Variants in CLCN4 observed in about 807,000 individuals in gnomAD.
CLCN4 encodes the protein H(+)/Cl(-) exchange transporter 4.
CLCN4 carries 1 observed loss-of-function variant against 41.7 expected under a neutral mutation model. That is an observed-to-expected ratio of 0.02 (90% CI 0.01 to 0.11). The LOEUF (loss-of-function observed/expected upper bound fraction) is 0.11. Ranked by LOEUF, CLCN4 falls within the 10% of genes least tolerant of loss-of-function variation. CLCN4 has a pLI of 1.00. For missense variants in CLCN4, 287 were observed against 661.0 expected (o/e 0.43, Z 6.20); for synonymous variants, 277 against 285.8 (o/e 0.97, Z 0.31).
chrX:10,206,366 C>G lies in CLCN4; in HGVS notation c.564C>G (p.Thr188=), dbSNP rs369980921. ...TCCATCCTCTGTTTCAGATAAAGACCATTTTGAGCGGCTTTATCATCAGGG... is the reference window on the plus strand; with the variant it reads ...TCCATCCTCTGTTTCAGATAAAGACGATTTTGAGCGGCTTTATCATCAGGG... ...ACGSGIPEIK[T]ILSGFIIRGY... The change falls in exon 7 of 13, where the codon ACC becomes ACG. Residue 188 remains threonine (T), a synonymous_variant. Coordinates refer to ENST00000380833, the MANE Select transcript of CLCN4 (RefSeq NM_001830.4). The G allele has an allele frequency of 3.3e-6, 4 of 1,203,781 alleles. No homozygotes were observed. Among genetic ancestry groups the G allele is most frequent in the Non-Finnish European group, 4.5e-6 (4 of 890,758 alleles).
intron 2 of CLCN4, among the ~76,000 whole-genome samples, chrX:10,184,493 A>G (rs1363540003): frequency 9.0e-6 from 1 of 111,362 alleles, no homozygotes; most frequent in African/African-American, 3.3e-5. Context: ...TTCGTGTTCT[A>G]TTTAGTGCCA....
chrX:10,194,470 G>A (rs147709922), intron 4 of CLCN4, among the ~76,000 whole-genome samples: 6 of 112,066 alleles, frequency 5.4e-5, no homozygotes, highest in Non-Finnish European at 1.1e-4. Context: ...CATTTATGAT[G>A]TGAGGCCGTC....
Position 10,157,005 on chromosome X carries a change from G to T in CLCN4, c.-370G>T, listed in dbSNP as rs185761732. 133 of 296,848 alleles carry T rather than the reference G, an allele frequency of 4.5e-4. No individual in the cohort carries two copies. In the East Asian group the frequency reaches 6.2e-3, roughly 14 times the overall value. 24.5% of individuals were successfully genotyped at this position (296,848 alleles called of 1,213,427 possible). On this transcript the variant is annotated 5_prime_UTR_variant, in exon 1 of 13. An upstream start codon of the reference 5' UTR is lost. Coordinates refer to ENST00000380833, the MANE Select transcript of CLCN4 (RefSeq NM_001830.4). The stretch of plus-strand genomic sequence containing the variant: ...CGACATTTGCCTCTGGCAGGAAAAT[G>T]AGCTTGTCAGTTTCTGCCTCCATTA...
intron 6 of CLCN4, among the ~76,000 whole-genome samples, chrX:10,202,638 C>CAAAAAAAAAAA (rs759089094): frequency 5.1e-5 from 1 of 19,639 alleles, no homozygotes; most frequent in Admixed American, 1.0e-3. Flanking sequence ...GACCCTGCCT[C>CAAAAAAAAAAA]AAAAAAAAAA....
intron 2 of CLCN4, among the ~76,000 whole-genome samples, chrX:10,164,193 A>G (rs750443402): frequency 8.9e-6 from 1 of 112,216 alleles, no homozygotes; most frequent in East Asian, 2.8e-4. Flanking sequence ...AGAGATCCGA[A>G]TGGAGAGAGA....
chrX:10,168,993 G>A (rs1923315142), intron 2 of CLCN4, among the ~76,000 whole-genome samples: 1 of 110,863 alleles, frequency 9.0e-6, no homozygotes, highest in African/African-American at 3.3e-5. Context: ...TATGTAAAGT[G>A]TCTCTTTTCT....
At chrX:10,219,165 C>T (rs978460880) in intron 11 of CLCN4, among the ~76,000 whole-genome samples, 2 of 112,099 alleles carry the variant, frequency 1.8e-5, no homozygotes, top group Non-Finnish European at 3.8e-5. Context: ...AGTGGATCGA[C>T]CATTTATTAA....
At chrX:10,195,826 AT>A (rs1420075447) in intron 5 of CLCN4, among the ~76,000 whole-genome samples, 3 of 112,233 alleles carry the variant, frequency 2.7e-5, no homozygotes, top group South Asian at 7.3e-4. Context: ...CCATTACTTC[AT>A]TTTTTTATGG....
intron 12 of CLCN4, among the ~76,000 whole-genome samples, chrX:10,231,334 A>G (rs1274278333): frequency 8.9e-6 from 1 of 111,790 alleles, no homozygotes; most frequent in Non-Finnish European, 1.9e-5. Context: ...TTTTCTTTAC[A>G]TAACTACCAA....
At chrX:10,191,043 T>G (rs1426173467) in intron 4 of CLCN4, among the ~76,000 whole-genome samples, 1 of 112,409 alleles carries the variant, frequency 8.9e-6, no homozygotes, top group Non-Finnish European at 1.9e-5. Context: ...TAACTCACAT[T>G]CCATATAATT....
chrX:10,200,132 A>G (rs755690642), intron 6 of CLCN4, among the ~76,000 whole-genome samples: 85 of 111,212 alleles, frequency 7.6e-4, no homozygotes, highest in Non-Finnish European at 1.2e-3. Flanking sequence ...GGCTCAAGTG[A>G]TCCTCCCGCC....
At chrX:10,233,369 C>T in intron 12 of CLCN4, 125 bp from the exon 13 acceptor site, 1 of 509,966 alleles carries the variant, frequency 2.0e-6, no homozygotes, top group Non-Finnish European at 3.4e-6. Flanking sequence ...TCTGCCTAAC[C>T]ACAAGGGAGG....
rs1446291730 is a variant in CLCN4, at chrX:10,208,224, C to T, written c.1023C>T (p.Phe341=). 3.3e-6 allele frequency: 4 copies of T among 1,209,086 alleles called. No individual in the cohort carries two copies. In the East Asian group the frequency reaches 8.9e-5, roughly 27 times the overall value. The change falls in exon 9 of 13, where the codon TTC becomes TTT. Residue 341 remains phenylalanine (F), a synonymous_variant. Coordinates refer to ENST00000380833, the MANE Select transcript of CLCN4 (RefSeq NM_001830.4). ...TCCCCTTCATCCTGCTTGGGGTCTT[C>T]GGGGGCTTGTGGGGAACCCTCTTCA... ...ELFPFILLGV[F]GGLWGTLFIR...
At chrX:10,163,276 C>G (rs756510272) in intron 2 of CLCN4, among the ~76,000 whole-genome samples, 153 of 112,992 alleles carry the variant, frequency 1.4e-3, no homozygotes, top group African/African-American at 4.7e-3. Context: ...GTCCCCCCTC[C>G]TATCCCTTCC....
At chrX:10,160,201 C>T (rs1445083070) in intron 2 of CLCN4, among the ~76,000 whole-genome samples, 1 of 111,352 alleles carries the variant, frequency 9.0e-6, no homozygotes, top group Non-Finnish European at 1.9e-5. Flanking sequence ...GAGATGATCT[C>T]GAAATATTCT....
intron 2 of CLCN4, among the ~76,000 whole-genome samples, chrX:10,171,027 A>G (rs2049629799): frequency 9.0e-6 from 1 of 111,675 alleles, no homozygotes; most frequent in African/African-American, 3.3e-5. Flanking sequence ...TGCTGGGATT[A>G]CAGGTGCCCA....
chrX:10,199,060 A>G (rs760797530), intron 6 of CLCN4, among the ~76,000 whole-genome samples: 23 of 112,609 alleles, frequency 2.0e-4, no homozygotes, highest in Non-Finnish European at 3.7e-4. Context: ...TGTTTCAGGA[A>G]AGATAGAAAA....
At chrX:10,212,069 A>AT (rs1924570014) in intron 9 of CLCN4, among the ~76,000 whole-genome samples, 1 of 111,519 alleles carries the variant, frequency 9.0e-6, no homozygotes, top group African/African-American at 3.3e-5. Context: ...TTCCATTTTC[A>AT]TGCTGTGGCT....
At chrX:10,165,980 G>T (rs1382960877) in intron 2 of CLCN4, among the ~76,000 whole-genome samples, 1 of 112,069 alleles carries the variant, frequency 8.9e-6, no homozygotes, top group Admixed American at 9.4e-5. Flanking sequence ...TGCCAGTCAC[G>T]AGTGGCTCCT....
Sources: allele counts gnomAD v4.1 joint callset (sites outside exome capture counted in the v4.1 genomes callset), GRCh38; gene constraint gnomAD v4.1.1; transcripts MANE v1.5; gene names NCBI Gene and HGNC (gene_info 2026-07-23, HGNC 2026-07-21).